Variants in CDADC1 observed in about 807,000 individuals in gnomAD.
CDADC1 encodes dCTP deaminase.
CDADC1 carries 39 observed loss-of-function variants against 54.9 expected under a neutral mutation model. The observed-to-expected ratio is 0.71, with a 90% CI of 0.55 to 0.93. CDADC1 has a LOEUF of 0.93. Ranked by LOEUF, CDADC1 falls within the 40% of genes least tolerant of loss-of-function variation. The pLI, the probability that CDADC1 is intolerant of heterozygous loss-of-function variation, is 0.00. For missense variants in CDADC1, 518 were observed against 618.8 expected, an observed-to-expected ratio of 0.84 and a Z score of 1.73; for synonymous variants, 186 against 204.0, an observed-to-expected ratio of 0.91 and a Z score of 0.75.
intron 8 of CDADC1, among the ~76,000 whole-genome samples, 177 bp from the exon 9 acceptor site, chr13:49,286,045 C>T (rs1953504981): frequency 6.6e-6 from 1 of 152,116 alleles, no homozygotes; most frequent in Non-Finnish European, 1.5e-5. Flanking sequence ...AACTCCTTAA[C>T]TCAGGTAATC....
chr13:49,279,881 T>A (rs571462715), intron 7 of CDADC1, among the ~76,000 whole-genome samples: 8 of 152,332 alleles, frequency 5.3e-5, no homozygotes, highest in Non-Finnish European at 1.2e-4. Flanking sequence ...CTTTTCCTTG[T>A]CCTCTTCATT....
intron 9 of CDADC1, among the ~76,000 whole-genome samples, chr13:49,289,537 GA>G (rs1267389692): frequency 2.6e-5 from 4 of 152,114 alleles, no homozygotes; most frequent in African/African-American, 9.7e-5. Flanking sequence ...GCAAAAACTG[GA>G]AATAACACAA....
At chr13:49,255,149 G>GT (rs1366783685) in intron 2 of CDADC1, among the ~76,000 whole-genome samples, 2 of 152,188 alleles carry the variant, frequency 1.3e-5, no homozygotes, top group Non-Finnish European at 2.9e-5. Context: ...GAGATTGTCT[G>GT]TTTTCCTTGG....
chr13:49,290,253 T>G (rs1011788956), intron 9 of CDADC1, among the ~76,000 whole-genome samples: 8 of 151,896 alleles, frequency 5.3e-5, no homozygotes, highest in African/African-American at 1.9e-4. Flanking sequence ...TGTTTTGTTT[T>G]TTTTCCATCT....
In CDADC1 at chr13:49,291,945, G is replaced by A; in HGVS notation, c.*188G>A. ...ATTTGTCTTTTAGATTTATGTGTGG[G>A]TTTTCCATAATGTAGTAGTGTGTTA... is the stretch of plus-strand genomic sequence containing the variant. On this transcript the variant is annotated 3_prime_UTR_variant, in exon 10 of 10. Transcript: ENST00000251108. 2 of 1,365,716 alleles carry A rather than the reference G, an allele frequency of 1.5e-6. No individual in the cohort carries two copies. The highest frequency in any genetic ancestry group is 1.9e-6 in the Non-Finnish European group (2 of 1,058,636). The allele number at this position is 1,365,716 out of a possible 1,614,324, so 84.6% of individuals were successfully genotyped here. A position where few individuals can be genotyped will look rare whatever the true frequency, so the allele number is the denominator to read the frequency against.
intron 5 of CDADC1, among the ~76,000 whole-genome samples, chr13:49,274,060 A>G (rs967553866): frequency 2.6e-5 from 4 of 152,154 alleles, no homozygotes; most frequent in African/African-American, 9.7e-5. Flanking sequence ...CCACATACGT[A>G]TGTGTGACTG....
At chr13:49,255,278 A>G (rs989983577) in intron 2 of CDADC1, among the ~76,000 whole-genome samples, 1 of 152,194 alleles carries the variant, frequency 6.6e-6, no homozygotes, top group African/African-American at 2.4e-5. Context: ...ACATCGGGCC[A>G]ATCAGATAAT....
rs113348859 is a variant in CDADC1 at position 49,291,717 on chromosome 13, A to G, written c.1505A>G (p.Glu502Gly). 6.2e-7 allele frequency: 1 copy of G among 1,614,156 alleles called. No homozygotes were observed. The highest frequency in any genetic ancestry group is 1.7e-5 in the Admixed American group (1 of 60,014). ...GVLRPVPQKEEQHQDKKLRLG... is the reference protein window; with the variant it reads ...GVLRPVPQKEGQHQDKKLRLG... ...TTGAGACCTGTCCCACAGAAGGAAG[A>G]GCAGCACCAGGACAAGAAGCTGCGC... The change falls in exon 10 of 10, where the codon GAG becomes GGG. Residue 502 changes from glutamate to glycine, a missense_variant. Physicochemically the swap from Glu to Gly is moderately conservative, Grantham distance 98. Transcript: ENST00000251108.
At position 49,280,602 on chromosome 13, in the gene CDADC1, A is replaced by G; in HGVS notation, c.1314A>G (p.Ile438Met). The G allele has an allele frequency of 6.2e-7, 1 of 1,601,792 alleles. No homozygotes were observed. The highest frequency in any genetic ancestry group is 1.1e-5 in the South Asian group (1 of 89,322). The change falls in exon 8 of 10, where the codon ATA becomes ATG. Residue 438 changes from isoleucine (I) to methionine (M), a missense_variant. Physicochemically the swap from Ile to Met is conservative, Grantham distance 10. Coordinates refer to ENST00000251108, the MANE Select transcript of CDADC1 (RefSeq NM_030911.4). ...ECVPLIKGAG[I>M]KQIYAGDVDV... ...TACCTTTAATTAAAGGTGCAGGCAT[A>G]AAACAAATCTATGCAGGAGATGTAG...
rs1354940563 is a variant in CDADC1 at position 49,280,688 on chromosome 13, G to A, written c.1400G>A (p.Ser467Asn). 6 of 1,572,292 alleles carry A rather than the reference G, an allele frequency of 3.8e-6. No homozygotes were observed. In the East Asian group the frequency reaches 1.4e-4, roughly 36 times the overall value. ...YMRFGELEGV[S>N]KFTWQLNPSG... ...AGGTTCGGGGAGCTTGAAGGTGTTA[G>A]CAAATTTACGGTAAGTAGATACACA... The change falls in exon 8 of 10, where the codon AGC becomes AAC. Residue 467 changes from serine to asparagine, a missense_variant. Physicochemically the swap from Ser to Asn is conservative, Grantham distance 46. Transcript: ENST00000251108.
intron 4 of CDADC1, among the ~76,000 whole-genome samples, chr13:49,260,372 C>T (rs1299590058): frequency 6.6e-6 from 1 of 152,238 alleles, no homozygotes; most frequent in Non-Finnish European, 1.5e-5. Flanking sequence ...TAGGCATCTT[C>T]TGTCTCATTG....
chr13:49,252,540 TATC>T (rs1952458907), intron 2 of CDADC1, among the ~76,000 whole-genome samples: 3 of 152,244 alleles, frequency 2.0e-5, no homozygotes, highest in African/African-American at 7.2e-5. Flanking sequence ...GTTCTTCTGA[TATC>T]ATGGCCATTG....
chr13:49,278,631 T>A, intron 7 of CDADC1, 112 bp downstream of exon 7: 1 of 874,968 alleles, frequency 1.1e-6, no homozygotes. Context: ...GAAAGTTTCC[T>A]TTCAGAAGTA....
At chr13:49,267,389 T>G in intron 4 of CDADC1, 101 bp from the exon 5 acceptor site, 1 of 968,520 alleles carries the variant, frequency 1.0e-6, no homozygotes, top group South Asian at 1.7e-5. Context: ...ATTTATTATA[T>G]TGAGGGTTCT....
intron 2 of CDADC1, among the ~76,000 whole-genome samples, chr13:49,255,192 A>G (rs560729458): frequency 2.0e-5 from 3 of 152,292 alleles, no homozygotes; most frequent in African/African-American, 7.2e-5. Flanking sequence ...AAAGCCAGCA[A>G]TGGCCAGTCA....
chr13:49,256,053 A>G (rs1408789933), intron 3 of CDADC1, 140 bp downstream of exon 3: 1 of 1,216,954 alleles, frequency 8.2e-7, no homozygotes, highest in Non-Finnish European at 1.1e-6. Context: ...GTATATTTAC[A>G]AGACTATATG....
At chr13:49,249,114 TTCC>T (rs1250694178) in intron 2 of CDADC1, 149 bp downstream of exon 2, 3 of 599,040 alleles carry the variant, frequency 5.0e-6, no homozygotes, top group Non-Finnish European at 5.9e-6. Context: ...CACTTTATAA[TTCC>T]CAGCCGTAAT....
intron 1 of CDADC1, 79 bp downstream of exon 1, chr13:49,248,198 C>A (rs943285122): frequency 7.9e-7 from 1 of 1,270,920 alleles, no homozygotes; most frequent in Non-Finnish European, 1.1e-6. Context: ...ACTCCAGATT[C>A]CTTGTCTGAG....
intron 8 of CDADC1, among the ~76,000 whole-genome samples, chr13:49,285,882 C>A (rs1309155605): frequency 6.6e-6 from 1 of 151,496 alleles, no homozygotes; most frequent in Non-Finnish European, 1.5e-5. Context: ...GGCACCATCT[C>A]AGCTCACTGC....
Sources: allele counts gnomAD v4.1 joint callset (sites outside exome capture counted in the v4.1 genomes callset), GRCh38; gene constraint gnomAD v4.1.1; transcripts MANE v1.5; gene names NCBI Gene and HGNC (gene_info 2026-07-23, HGNC 2026-07-21).